The following PTPRT variants were observed in gnomAD, a reference collection of about 807,000 sequenced individuals.
The protein encoded by PTPRT is protein tyrosine phosphatase receptor type T.
A neutral mutation model predicts 176.8 loss-of-function variants in PTPRT; 56 were observed. The ratio of observed to expected loss-of-function variants is 0.32; its 90% CI spans 0.26 to 0.40. The LOEUF is 0.40. PTPRT is among the 10% of genes least tolerant of loss of function. PTPRT has a pLI of 1.00. For missense variants in PTPRT, 1,540 were observed against 1,908.2 expected (o/e 0.81, Z 3.60); for synonymous variants, 783 against 739.0 (o/e 1.06, Z -0.96).
chr20:43,071,281 G>A (rs1019563411), intron 1 of PTPRT, among the ~76,000 whole-genome samples: 3 of 152,086 alleles, frequency 2.0e-5, no homozygotes, highest in South Asian at 4.2e-4. Context: ...CCTGGGGCTC[G>A]TTAGATATGC....
In PTPRT at chr20:42,472,489, G is replaced by A; in HGVS notation, c.1227C>T (p.Pro409=). 2 of 1,614,232 alleles carry A rather than the reference G, an allele frequency of 1.2e-6. No individual in the cohort carries two copies. The highest frequency in any genetic ancestry group is 1.7e-6 in the Non-Finnish European group (2 of 1,180,048). ...GGCAGCGGGTCACCGCGTAGCCGAAGGGCTCCCACTGCAGGGTCAGCTGCC... is the reference window on the plus strand; with the variant it reads ...GGCAGCGGGTCACCGCGTAGCCGAAAGGCTCCCACTGCAGGGTCAGCTGCC... The part of the protein sequence containing the change: ...RARQLTLQWE[P]FGYAVTRCHS... The change falls in exon 8 of 31, where the codon CCC becomes CCT. Residue 409 remains proline (P), a synonymous_variant. Transcript: ENST00000373187.
intron 24 of PTPRT, 45 bp downstream of exon 24, chr20:42,106,741 G>C: frequency 6.3e-7 from 1 of 1,587,820 alleles, no homozygotes; most frequent in African/African-American, 1.3e-5. Context: ...TTTCTCCTTG[G>C]TCAGGGCTAC....
chr20:42,685,700 G>A (rs1356016582), intron 6 of PTPRT: 7 of 151,990 alleles, frequency 4.6e-5, no homozygotes, highest in Non-Finnish European at 1.0e-4. Context: ...ACATGAAAAC[G>A]CTGACGTTTT....
At chr20:42,688,829 CCTAA>C (rs2075744381) in intron 6 of PTPRT, among the ~76,000 whole-genome samples, 2 of 152,102 alleles carry the variant, frequency 1.3e-5, no homozygotes, top group Non-Finnish European at 1.5e-5. Context: ...TCATATTCTG[CCTAA>C]CTAACAAGTA....
At chr20:42,702,891 C>A (rs1172324485) in intron 6 of PTPRT, among the ~76,000 whole-genome samples, 1 of 152,160 alleles carries the variant, frequency 6.6e-6, no homozygotes, top group East Asian at 1.9e-4. Context: ...TTTTGCCTCT[C>A]AAATTCAATT....
At chr20:42,263,524 G>A (rs971094944) in intron 13 of PTPRT, among the ~76,000 whole-genome samples, 1 of 151,610 alleles carries the variant, frequency 6.6e-6, no homozygotes, top group African/African-American at 2.4e-5. Flanking sequence ...GGAATTACAG[G>A]TGCGTGCCAC....
chr20:42,962,945 T>C (rs1389496182), intron 1 of PTPRT, among the ~76,000 whole-genome samples: 1 of 152,082 alleles, frequency 6.6e-6, no homozygotes, highest in Non-Finnish European at 1.5e-5. Context: ...ACACCTGTAA[T>C]CCCAGCACTT....
At chr20:42,523,903 T>C (rs1211709301) in intron 7 of PTPRT, among the ~76,000 whole-genome samples, 2 of 152,126 alleles carry the variant, frequency 1.3e-5, no homozygotes, top group Non-Finnish European at 2.9e-5. Context: ...GGAGGATCAC[T>C]TGAGCTCAGG....
At chr20:42,201,000 G>A (rs1021332190) in intron 15 of PTPRT, among the ~76,000 whole-genome samples, 3 of 152,214 alleles carry the variant, frequency 2.0e-5, no homozygotes, top group Non-Finnish European at 2.9e-5. Flanking sequence ...CCTGCCAGAG[G>A]AAGTATAAAA....
chr20:42,372,691 G>T (rs529713582), intron 9 of PTPRT, among the ~76,000 whole-genome samples: 2 of 152,142 alleles, frequency 1.3e-5, no homozygotes, highest in Non-Finnish European at 2.9e-5. Context: ...CTCTGAAAAA[G>T]ATAATATTAA....
intron 12 of PTPRT, among the ~76,000 whole-genome samples, chr20:42,309,263 T>C (rs979457985): frequency 2.0e-5 from 3 of 152,182 alleles, no homozygotes; most frequent in African/African-American, 7.2e-5. Context: ...ACTTCACAAT[T>C]ACGGCTAATG....
At chr20:43,089,645 GT>G (rs1164437408) in intron 1 of PTPRT, among the ~76,000 whole-genome samples, 2 of 152,208 alleles carry the variant, frequency 1.3e-5, no homozygotes, top group Non-Finnish European at 2.9e-5. Context: ...AGGTGGAATG[GT>G]GAGGAGAAAG....
chr20:42,086,738 A>AT (rs1413802987), intron 27 of PTPRT, among the ~76,000 whole-genome samples: 3 of 103,940 alleles, frequency 2.9e-5, no homozygotes, highest in African/African-American at 4.0e-5. Context: ...AAAAAAAAAA[A>AT]AAAAAAAAAA....
chr20:42,150,206 C>T (rs191046918), intron 17 of PTPRT, among the ~76,000 whole-genome samples: 1 of 152,314 alleles, frequency 6.6e-6, no homozygotes, highest in African/African-American at 2.4e-5. Context: ...ACAAAGCTTC[C>T]TAGAGCAGCT....
chr20:42,332,503 C>T (rs1037742605), intron 11 of PTPRT, among the ~76,000 whole-genome samples: 2 of 152,160 alleles, frequency 1.3e-5, no homozygotes, highest in Admixed American at 6.5e-5. Flanking sequence ...AGCCACTGCG[C>T]CCGGCCAGAA....
intron 2 of PTPRT, among the ~76,000 whole-genome samples, chr20:42,843,167 C>T (rs7262276): frequency 0.081 from 12,290 of 152,230 alleles, 596 homozygotes; most frequent in Admixed American, 0.15. Flanking sequence ...TTCTGCCTGT[C>T]TGAGATAAAT....
chr20:42,590,927 CGTGTGT>C (rs11468131), intron 7 of PTPRT, among the ~76,000 whole-genome samples: 9,383 of 130,988 alleles, frequency 0.072, 839 homozygotes, highest in African/African-American at 0.22. Flanking sequence ...AGAGATTTAG[CGTGTGT>C]GTGTGTGTGT....
intron 7 of PTPRT, among the ~76,000 whole-genome samples, chr20:42,620,049 G>GT (rs901920663): frequency 6.4e-4 from 95 of 149,244 alleles, no homozygotes; most frequent in African/African-American, 2.3e-3. Context: ...TTTCTGTTCT[G>GT]TTTTTTCCCC....
intron 6 of PTPRT, among the ~76,000 whole-genome samples, chr20:42,695,334 A>T (rs2075857932): frequency 6.6e-6 from 1 of 152,200 alleles, no homozygotes; most frequent in South Asian, 2.1e-4. Context: ...GAGCTCACAA[A>T]TCCATTCAGA....
Sources: gnomAD v4.1 joint callset for allele counts (sites outside exome capture counted in the v4.1 genomes callset) on GRCh38, gnomAD v4.1.1 for gene constraint, MANE v1.5 for transcripts, NCBI Gene and HGNC (gene_info 2026-07-23, HGNC 2026-07-21) for gene names.